Variants in RRN3 observed in about 807,000 individuals in gnomAD.
RRN3 encodes the protein RNA polymerase I-specific transcription initiation factor RRN3.
A neutral mutation model predicts 82.3 loss-of-function variants in RRN3; 38 were observed. The observed-to-expected ratio is 0.46, with a 90% CI of 0.36 to 0.61. The LOEUF (loss-of-function observed/expected upper bound fraction) is 0.61. Among genes scored for constraint, RRN3 ranks in the 20% least tolerant of loss-of-function variants. RRN3 has a pLI of 0.00. For synonymous variants in RRN3, 284 were observed against 284.3 expected (o/e 1.00, Z 0.01); for missense variants, 726 against 793.1 (o/e 0.92, Z 1.02).
intron 15 of RRN3, 77 bp from the exon 16 acceptor site, chr16:15,065,448 ACAACTGTACCTACC>A (rs2044928576): frequency 7.9e-7 from 1 of 1,268,258 alleles, no homozygotes; most frequent in Non-Finnish European, 1.1e-6. Context: ...GCTGCGTGTG[ACAACTGTACCTACC>A]ACAGAGAAAT....
chr16:15,075,067 T>A (rs571360508), intron 10 of RRN3, among the ~76,000 whole-genome samples: 12 of 148,526 alleles, frequency 8.1e-5, no homozygotes, highest in Admixed American at 7.3e-4. Flanking sequence ...CTGGCCAACA[T>A]GGTAAAACTC....
At chr16:15,083,451 C>A in intron 8 of RRN3, 62 bp downstream of exon 8, 6 of 1,599,666 alleles carry the variant, frequency 3.8e-6, no homozygotes, top group Admixed American at 1.8e-5. Flanking sequence ...GACCTAATAT[C>A]ATCTAAAATG....
chr16:15,063,329 A>C lies in RRN3; in HGVS notation c.1707-46T>G, dbSNP rs750460002. The stretch of plus-strand genomic sequence containing the variant: ...TCAAAGTCAAGTTAAATACTTCGGC[A>C]GAAGTCAAAATTGGTTTGGATCTTT... On this transcript the variant is annotated intron_variant, in intron 16 of 17. Transcript: ENST00000198767. The C allele has an allele frequency of 2.8e-6, 4 of 1,430,598 alleles. No individual in the cohort carries two copies. In the African/African-American group the frequency reaches 4.2e-5, roughly 15 times the overall value. The allele number at this position is 1,430,598 out of a possible 1,614,324, so 88.6% of individuals were successfully genotyped here. A position where few individuals can be genotyped will look rare whatever the true frequency, so the allele number is the denominator to read the frequency against.
chr16:15,064,963 G>A (rs1178781753), intron 16 of RRN3, among the ~76,000 whole-genome samples: 3 of 152,136 alleles, frequency 2.0e-5, no homozygotes, highest in Non-Finnish European at 4.4e-5. Context: ...TCAGGAGATC[G>A]AGAACATCCC....
At chr16:15,072,484 C>T (rs1282089927) in intron 12 of RRN3, among the ~76,000 whole-genome samples, 1 of 152,092 alleles carries the variant, frequency 6.6e-6, no homozygotes, top group African/African-American at 2.4e-5. Context: ...AGGCAGCAAT[C>T]TGTTTTCTCT....
chr16:15,083,073 C>T (rs1299530294), intron 8 of RRN3, among the ~76,000 whole-genome samples: 1 of 152,178 alleles, frequency 6.6e-6, no homozygotes. Context: ...TCTTAGACGT[C>T]AGTTTAAAGT....
At chr16:15,092,053 C>A (rs2046152615) in intron 2 of RRN3, among the ~76,000 whole-genome samples, 1 of 152,092 alleles carries the variant, frequency 6.6e-6, no homozygotes. Flanking sequence ...GTGGTGTGTG[C>A]CTGTAACCCC....
chr16:15,079,242 T>C (rs1346910059), intron 9 of RRN3, among the ~76,000 whole-genome samples: 1 of 152,204 alleles, frequency 6.6e-6, no homozygotes, highest in African/African-American at 2.4e-5. Flanking sequence ...CAGTTCATCT[T>C]TCCTGACAAT....
At position 15,091,267 on chromosome 16, in the gene RRN3, T is replaced by G. The variant is rs758223654; in HGVS notation, c.252+48A>C. 3 of 1,604,858 alleles carry G rather than the reference T, an allele frequency of 1.9e-6. No individual in the cohort carries two copies. In the East Asian group the frequency reaches 6.7e-5, roughly 36 times the overall value. ...GGACCCAAAGAGCAAACTATGTCTG[T>G]ATACAGTGGCAATAATTTTGCTAAT... On this transcript the variant is annotated intron_variant, in intron 3 of 17. Coordinates refer to ENST00000198767, the MANE Select transcript of RRN3 (RefSeq NM_018427.5).
chr16:15,077,891 T>C (rs978149506), intron 9 of RRN3, among the ~76,000 whole-genome samples: 1 of 152,146 alleles, frequency 6.6e-6, no homozygotes, highest in African/African-American at 2.4e-5. Context: ...GCTATGTCTT[T>C]ATCAGCAGTG....
rs2044710389 is a variant in RRN3 at position 15,061,561 on chromosome 16, A to G, written c.*183T>C. 2 of 495,128 alleles carry G rather than the reference A, an allele frequency of 4.0e-6. No individual in the cohort carries two copies. Among genetic ancestry groups the G allele is most frequent in the Non-Finnish European group, 7.2e-6 (2 of 277,270 alleles). 30.7% of individuals were successfully genotyped at this position (495,128 alleles called of 1,614,324 possible). On this transcript the variant is annotated 3_prime_UTR_variant, in exon 18 of 18. Coordinates refer to ENST00000198767, the MANE Select transcript of RRN3 (RefSeq NM_018427.5). ...TCTTCATTTTGTCTGTAAGGGGAAC[A>G]ACAACAACAAAAAAACCCAGTCTTC...
Position 15,071,245 on chromosome 16 carries a change from C to A in RRN3, c.1135G>T (p.Ala379Ser), listed in dbSNP as rs552069961. Residue 379 changes from alanine to serine, a missense_variant, in exon 13 of 18, where the codon GCA becomes TCA. Coordinates refer to ENST00000198767, the MANE Select transcript of RRN3 (RefSeq NM_018427.5). ...FYLCSFKLGFAEAFLEHLWKK... is the reference protein window; with the variant it reads ...FYLCSFKLGFSEAFLEHLWKK... ...CAGAGATGTTCCAAAAATGCCTCTGCGAATCCCTATAAAAAGAGAGGGCGT... is the reference window on the plus strand; with the variant it reads ...CAGAGATGTTCCAAAAATGCCTCTGAGAATCCCTATAAAAAGAGAGGGCGT... 4.4e-6 allele frequency: 7 copies of A among 1,607,018 alleles called. No individual in the cohort carries two copies. In the African/African-American group the frequency reaches 9.4e-5, roughly 22 times the overall value.
chr16:15,073,016 G>T lies in RRN3; in HGVS notation c.1062C>A (p.Leu354=). ...YRDLINIFDK[L]LLPTHASCHV... is the part of the protein sequence containing the mutation. ...GGCAGGAGGCATGGGTGGGCAACAGGAGTTTGTCAAAGATGTTTATCAGGT... is the reference window on the plus strand; with the variant it reads ...GGCAGGAGGCATGGGTGGGCAACAGTAGTTTGTCAAAGATGTTTATCAGGT... The change falls in exon 12 of 18, where the codon CTC becomes CTA. Residue 354 remains leucine (L), a synonymous_variant. Coordinates refer to ENST00000198767, the MANE Select transcript of RRN3 (RefSeq NM_018427.5). 1 of 1,613,370 alleles carries T rather than the reference G, an allele frequency of 6.2e-7. No homozygotes were observed. Among genetic ancestry groups the T allele is most frequent in the Non-Finnish European group, 8.5e-7 (1 of 1,179,834 alleles).
At chr16:15,088,393 G>A (rs1221168733) in intron 3 of RRN3, among the ~76,000 whole-genome samples, 1 of 152,078 alleles carries the variant, frequency 6.6e-6, no homozygotes, top group Admixed American at 6.6e-5. Context: ...CTTGAGCCTG[G>A]GAGGTTGAGG....
intron 8 of RRN3, among the ~76,000 whole-genome samples, chr16:15,083,204 G>A (rs1483599740): frequency 1.3e-5 from 2 of 152,304 alleles, no homozygotes; most frequent in South Asian, 2.1e-4. Context: ...TTCGATACCA[G>A]TGTGGCCAAT....
intron 8 of RRN3, among the ~76,000 whole-genome samples, chr16:15,080,827 C>A (rs955923983): frequency 1.8e-5 from 1 of 56,850 alleles, no homozygotes; most frequent in Non-Finnish European, 5.5e-5. Flanking sequence ...TATGAATCTG[C>A]CTCTTTGACA....
chr16:15,065,749 A>T (rs1282829292), intron 15 of RRN3, among the ~76,000 whole-genome samples: 1 of 152,160 alleles, frequency 6.6e-6, no homozygotes, highest in Non-Finnish European at 1.5e-5. Context: ...TACTGTTTGC[A>T]AAAGAATTAG....
At chr16:15,075,591 AAG>A (rs2045420956) in intron 10 of RRN3, among the ~76,000 whole-genome samples, 1 of 22,350 alleles carries the variant, frequency 4.5e-5, no homozygotes, top group Admixed American at 8.9e-4. Context: ...AAAGAAAGAA[AAG>A]AAAGAAAGAA....
intron 3 of RRN3, among the ~76,000 whole-genome samples, chr16:15,090,879 T>G (rs959756684): frequency 6.6e-6 from 1 of 151,888 alleles, no homozygotes; most frequent in East Asian, 1.9e-4. Flanking sequence ...GTTTGTTTTT[T>G]TTTTTTTTTT....
Sources: gnomAD v4.1 joint callset for allele counts (sites outside exome capture counted in the v4.1 genomes callset) on GRCh38, gnomAD v4.1.1 for gene constraint, MANE v1.5 for transcripts, NCBI Gene and HGNC (gene_info 2026-07-23, HGNC 2026-07-21) for gene names.